Variants in ZNF567 observed in about 807,000 individuals in gnomAD.
ZNF567 encodes the protein zinc finger protein 567.
In ZNF567, 36 loss-of-function variants were observed where a neutral mutation model predicts 53.9. The observed-to-expected ratio is 0.67, with a 90% confidence interval of 0.51 to 0.88. The LOEUF (loss-of-function observed/expected upper bound fraction) is 0.88, where lower values mean the gene tolerates loss of function less well. Among genes scored for constraint, ZNF567 ranks in the 40% least tolerant of loss-of-function variants. ZNF567 has a pLI of 0.00. For synonymous variants in ZNF567, 224 were observed against 260.4 expected (o/e 0.86, Z 1.35); for missense variants, 619 against 764.7 (o/e 0.81, Z 2.25).
At position 36,698,171 on chromosome 19, in the gene ZNF567, G is replaced by A. The variant is rs188996939; in HGVS notation, c.9+3295G>A. Reference sequence around the variant, plus strand: ...TTCCCATCTATAAGTGAGAACATGCGGTGTTTGATTTTTTGTCCTTGTGAT... The same window carrying A: ...TTCCCATCTATAAGTGAGAACATGCAGTGTTTGATTTTTTGTCCTTGTGAT... On this transcript the variant is annotated intron_variant, in intron 3 of 5. Coordinates refer to ENST00000682579, the MANE Select transcript of ZNF567 (RefSeq NM_001322917.1). Among the ~76,000 whole-genome samples, 406 of 151,956 alleles carry A rather than the reference G, an allele frequency of 2.7e-3. 9 individuals are homozygous for A. The highest frequency in any genetic ancestry group is 0.023 in the Admixed American group (346 of 15,246).
chr19:36,677,304 A>T, the ZNF567 span, among the ~76,000 whole-genome samples: 1 of 150,310 alleles, frequency 6.7e-6, no homozygotes, highest in East Asian at 2.0e-4. Context: ...CTAAAAATAC[A>T]AAAAATTAGC....
chr19:36,715,990 A>T (rs1471627882), intron 5 of ZNF567, among the ~76,000 whole-genome samples: 2 of 152,218 alleles, frequency 1.3e-5, no homozygotes, highest in African/African-American at 2.4e-5. Flanking sequence ...ATACAAAATG[A>T]CAACTATCTT....
chr19:36,689,079 A>G (rs2145520596), intron 1 of ZNF567, among the ~76,000 whole-genome samples: 1 of 152,336 alleles, frequency 6.6e-6, no homozygotes, highest in African/African-American at 2.4e-5. Flanking sequence ...CCTGGGCGAC[A>G]GAACGAGACT....
intron 3 of ZNF567, among the ~76,000 whole-genome samples, chr19:36,696,909 A>G (rs771626864): frequency 3.0e-4 from 45 of 152,316 alleles, no homozygotes; most frequent in African/African-American, 1.1e-3. Flanking sequence ...TGTCACCACT[A>G]TCTATTTCCG....
intron 3 of ZNF567, among the ~76,000 whole-genome samples, chr19:36,706,626 C>CT (rs1476319225): frequency 6.7e-6 from 1 of 149,194 alleles, no homozygotes; most frequent in Non-Finnish European, 1.5e-5. Flanking sequence ...CACATTCAAA[C>CT]TATAGTATAT....
At chr19:36,702,804 G>A (rs1459047660) in intron 3 of ZNF567, among the ~76,000 whole-genome samples, 1 of 152,118 alleles carries the variant, frequency 6.6e-6, no homozygotes, top group East Asian at 1.9e-4. Context: ...CTCTGTGTTG[G>A]TTATTCTAGT....
rs753838407 is a variant in ZNF567 at position 36,720,308 on chromosome 19, A to T, written c.1584A>T (p.Thr528=). Residue 528 remains threonine (T), a synonymous_variant, in exon 6 of 6, where the codon ACA becomes ACT. Transcript: ENST00000682579. ...TNLNLHQRIH[T]GEKPYVCNEC... ...TCAATCTACATCAGAGAATTCATAC[A>T]GGGGAGAAACCCTATGTTTGTAATG... 6.2e-7 allele frequency: 1 copy of T among 1,614,084 alleles called. No individual in the cohort carries two copies. The highest frequency in any genetic ancestry group is 8.5e-7 in the Non-Finnish European group (1 of 1,180,008).
the ZNF567 span, among the ~76,000 whole-genome samples, chr19:36,676,851 CTATT>C: frequency 6.6e-6 from 1 of 152,056 alleles, no homozygotes; most frequent in Non-Finnish European, 1.5e-5. Context: ...AACTTCATCT[CTATT>C]TATAAAAGTA....
the ZNF567 span, chr19:36,669,093 G>T: frequency 6.6e-6 from 1 of 152,146 alleles, no homozygotes; most frequent in Non-Finnish European, 1.5e-5. Flanking sequence ...TCTAGAGAGG[G>T]TTTAAAGAAT....
chr19:36,668,037 C>T, the ZNF567 span: 1 of 152,158 alleles, frequency 6.6e-6, no homozygotes, highest in African/African-American at 2.4e-5. Context: ...CTCCTCAGCT[C>T]CTCCCGCATC....
chr19:36,672,444 C>T, the ZNF567 span, among the ~76,000 whole-genome samples: 1 of 152,086 alleles, frequency 6.6e-6, no homozygotes, highest in Admixed American at 6.5e-5. Context: ...ATAGGATGAC[C>T]CATTCTGTGG....
At chr19:36,697,046 G>A (rs891125876) in intron 3 of ZNF567, among the ~76,000 whole-genome samples, 2 of 152,126 alleles carry the variant, frequency 1.3e-5, no homozygotes, top group Non-Finnish European at 2.9e-5. Context: ...ATTTCATTAG[G>A]AGACAAGAAA....
At chr19:36,676,312 C>T in the ZNF567 span, among the ~76,000 whole-genome samples, 3 of 151,340 alleles carry the variant, frequency 2.0e-5, no homozygotes, top group Non-Finnish European at 4.4e-5. Context: ...GTGATCTGCC[C>T]GCCTCAACCT....
the ZNF567 span, among the ~76,000 whole-genome samples, chr19:36,682,176 C>T: frequency 6.7e-6 from 1 of 149,760 alleles, no homozygotes; most frequent in Non-Finnish European, 1.5e-5. Context: ...ACTTGGGGAG[C>T]TGAGGCTGAG....
chr19:36,694,831 A>C lies in ZNF567; in HGVS notation c.-37A>C. On this transcript the variant is annotated 5_prime_UTR_variant, in exon 3 of 6. Coordinates refer to ENST00000682579, the MANE Select transcript of ZNF567 (RefSeq NM_001322917.1). ...TGCCTCTTTTCTAAAGAGGACTCCAAAGGAAGGACTGGTCATCTCTTTCAT... is the reference window on the plus strand; with the variant it reads ...TGCCTCTTTTCTAAAGAGGACTCCACAGGAAGGACTGGTCATCTCTTTCAT... 6.6e-7 allele frequency: 1 copy of C among 1,519,502 alleles called. No individual in the cohort carries two copies. The highest frequency in any genetic ancestry group is 8.8e-7 in the Non-Finnish European group (1 of 1,142,600). 94.1% of individuals were successfully genotyped at this position (1,519,502 alleles called of 1,614,324 possible).
At chr19:36,696,092 A>G (rs1191401838) in intron 3 of ZNF567, among the ~76,000 whole-genome samples, 15 of 152,226 alleles carry the variant, frequency 9.9e-5, no homozygotes, top group Admixed American at 8.5e-4. Context: ...ATTGTATTCT[A>G]GATTTATTTC....
chr19:36,720,564 G>C lies in ZNF567; in HGVS notation c.1840G>C (p.Glu614Gln). 6.2e-7 allele frequency: 1 copy of C among 1,613,924 alleles called. No individual in the cohort carries two copies. Among genetic ancestry groups the C allele is most frequent in the Non-Finnish European group, 8.5e-7 (1 of 1,179,936 alleles). ...LIVHQRTHTG[E>Q]KPYVCNECGK... ...TGTACATCAGAGAACTCACACAGGT[G>C]AGAAACCCTATGTTTGTAATGAGTG... The change falls in exon 6 of 6, where the codon GAG (glutamate) becomes CAG (glutamine). Residue 614 changes from glutamate to glutamine, a missense_variant. Physicochemically the swap from Glu to Gln is conservative, Grantham distance 29. Transcript: ENST00000682579.
intron 1 of ZNF567, among the ~76,000 whole-genome samples, chr19:36,688,274 A>G (rs115911250): frequency 1.3e-5 from 2 of 152,144 alleles, no homozygotes; most frequent in African/African-American, 4.8e-5. Context: ...CCTAATTTTA[A>G]AAGTATTTGG....
chr19:36,669,558 T>C, the ZNF567 span, among the ~76,000 whole-genome samples: 1 of 152,170 alleles, frequency 6.6e-6, no homozygotes, highest in Non-Finnish European at 1.5e-5. Flanking sequence ...GGCAAATCCA[T>C]ATCCATAGTG....
Sources: gnomAD v4.1 joint callset for allele counts (sites outside exome capture counted in the v4.1 genomes callset) on GRCh38, gnomAD v4.1.1 for gene constraint, MANE v1.5 for transcripts, NCBI Gene and HGNC (gene_info 2026-07-23, HGNC 2026-07-21) for gene names.